FRMD6: variants seen among roughly 807,000 people sequenced by gnomAD.
The protein encoded by FRMD6 is FERM domain containing 6, also known as FERM domain-containing protein 6.
A neutral mutation model predicts 73.2 loss-of-function variants in FRMD6; 37 were observed. The observed-to-expected ratio is 0.51, with a 90% confidence interval of 0.39 to 0.66. The LOEUF is 0.66. FRMD6 is among the 30% of genes least tolerant of loss of function. The pLI, the probability that FRMD6 is intolerant of heterozygous loss-of-function variation, is 0.00. For synonymous variants in FRMD6, 273 were observed against 282.2 expected, an observed-to-expected ratio of 0.97 and a Z score of 0.33; for missense variants, 714 against 780.5, an observed-to-expected ratio of 0.91 and a Z score of 1.02.
the FRMD6 span, among the ~76,000 whole-genome samples, chr14:51,440,271 G>T: frequency 6.6e-6 from 1 of 152,116 alleles, no homozygotes; most frequent in African/African-American, 2.4e-5. Flanking sequence ...AAAATACAGA[G>T]AAATTTATAA....
At chr14:51,416,954 T>G in the FRMD6 span, among the ~76,000 whole-genome samples, 1 of 152,234 alleles carries the variant, frequency 6.6e-6, no homozygotes. Flanking sequence ...AAGTCTGTTT[T>G]ATCAGAGACT....
chr14:51,484,889 G>A (rs1215107859), upstream of FRMD6, among the ~76,000 whole-genome samples: 1 of 152,180 alleles, frequency 6.6e-6, no homozygotes, highest in Non-Finnish European at 1.5e-5. Context: ...TAGAAGTTTT[G>A]GTTGACATTA....
chr14:51,485,602 C>G (rs1882746166), upstream of FRMD6, among the ~76,000 whole-genome samples: 1 of 152,178 alleles, frequency 6.6e-6, no homozygotes, highest in Non-Finnish European at 1.5e-5. Context: ...CATCTCACTC[C>G]CTAACTCAAT....
chr14:51,398,365 A>G, the FRMD6 span, among the ~76,000 whole-genome samples: 1 of 152,134 alleles, frequency 6.6e-6, no homozygotes, highest in South Asian at 2.1e-4. Context: ...GGTAGAAGTC[A>G]TGGTCTTCAG....
At chr14:51,684,716 G>A (rs2140325006) in intron 1 of FRMD6, among the ~76,000 whole-genome samples, 1 of 152,162 alleles carries the variant, frequency 6.6e-6, no homozygotes, top group Non-Finnish European at 1.5e-5. Context: ...CAATGTGCAG[G>A]ACAGCCCCCC....
At chr14:51,530,326 C>T (rs529998872) in intron 1 of FRMD6, among the ~76,000 whole-genome samples, 3 of 152,150 alleles carry the variant, frequency 2.0e-5, no homozygotes, top group African/African-American at 7.2e-5. Context: ...GTATTTATAC[C>T]ACAGAAACTG....
chr14:51,517,309 C>T (rs550169050), intron 1 of FRMD6, among the ~76,000 whole-genome samples: 53 of 125,302 alleles, frequency 4.2e-4, no homozygotes, highest in African/African-American at 1.7e-3. Context: ...CTGGCAGACA[C>T]GCTAGGAGCA....
At chr14:51,540,821 A>G (rs1425093641) in intron 1 of FRMD6, among the ~76,000 whole-genome samples, 3 of 152,162 alleles carry the variant, frequency 2.0e-5, no homozygotes, top group Non-Finnish European at 4.4e-5. Context: ...AGTGAAAAAT[A>G]TAGCTTACTA....
chr14:51,528,054 A>C (rs1482252583), intron 1 of FRMD6, among the ~76,000 whole-genome samples: 4 of 152,198 alleles, frequency 2.6e-5, no homozygotes, highest in Admixed American at 6.6e-5. Flanking sequence ...AGTCCAGAGG[A>C]TCATTTGAGC....
rs146408737 is a variant in FRMD6 at position 51,580,041 on chromosome 14, G to A, written c.-147+9631G>A. ...GTTTGAATGGACTAGACTGGAGAAA[G>A]AGACAGGGAGGAAAGCCCTAACAGC... is the stretch of plus-strand genomic sequence containing the variant. On this transcript the variant is annotated intron_variant, in intron 2 of 14. Coordinates refer to the FRMD6 transcript ENST00000356218. 5.9e-5 allele frequency among the ~76,000 whole-genome samples: 9 copies of A among 152,292 alleles called. No individual in the cohort carries two copies. The East Asian group carries it at 1.7e-3, about 29-fold the overall frequency.
chr14:51,617,305 G>A (rs1890753794), intron 2 of FRMD6, among the ~76,000 whole-genome samples: 1 of 152,182 alleles, frequency 6.6e-6, no homozygotes, highest in Non-Finnish European at 1.5e-5. Flanking sequence ...ACAGCAGGGA[G>A]TGGGGGGAAA....
chr14:51,455,232 T>G, the FRMD6 span, among the ~76,000 whole-genome samples: 1 of 152,196 alleles, frequency 6.6e-6, no homozygotes, highest in Non-Finnish European at 1.5e-5. Context: ...GCTAACCTGA[T>G]TATGAAACTA....
chr14:51,559,925 AG>A (rs1301450310), intron 1 of FRMD6, among the ~76,000 whole-genome samples: 2 of 152,214 alleles, frequency 1.3e-5, no homozygotes, highest in Non-Finnish European at 2.9e-5. Context: ...TGACTTATAA[AG>A]CCATTTCCAG....
In FRMD6 at chr14:51,701,174, A is replaced by G. The variant is rs887690522; in HGVS notation, c.294+15A>G. ...AAGTCACTTGGGTGAGATTACATTT[A>G]TAAGCAAAATTATTTTGATTTTTTT... On this transcript the variant is annotated intron_variant, in intron 4 of 13. Coordinates refer to ENST00000344768, the MANE Select transcript of FRMD6 (RefSeq NM_001267046.2). The G allele has an allele frequency of 7.0e-7, 1 of 1,429,940 alleles. No homozygotes were observed. Among genetic ancestry groups the G allele is most frequent in the Non-Finnish European group, 9.5e-7 (1 of 1,047,844 alleles). 88.6% of individuals were successfully genotyped at this position (1,429,940 alleles called of 1,614,324 possible).
chr14:51,416,677 C>G, the FRMD6 span, among the ~76,000 whole-genome samples: 1 of 152,114 alleles, frequency 6.6e-6, no homozygotes, highest in East Asian at 1.9e-4. Context: ...GTCTGCTTGT[C>G]GCAGAGCTGA....
Position 51,629,470 on chromosome 14 carries a change from A to T in FRMD6, c.-147+59060A>T, listed in dbSNP as rs555842776. Among the ~76,000 whole-genome samples the T allele has an allele frequency of 2.0e-5, 3 of 152,346 alleles. No individual in the cohort carries two copies. The South Asian group carries it at 6.2e-4, about 32-fold the overall frequency. On this transcript the variant is annotated intron_variant, in intron 2 of 14. Coordinates refer to the FRMD6 transcript ENST00000356218. ...TCTTCTAAAATAAAATATATTTTAC[A>T]TTCCTACCAGCAGTGTATGGGGGTT...
intron 1 of FRMD6, among the ~76,000 whole-genome samples, chr14:51,660,031 G>T (rs1288312618): frequency 4.6e-5 from 7 of 152,178 alleles, no homozygotes; most frequent in Non-Finnish European, 7.3e-5. Flanking sequence ...GAATCGTGCT[G>T]TATCATTCTG....
intron 1 of FRMD6, among the ~76,000 whole-genome samples, chr14:51,655,338 C>A (rs552351259): frequency 1.3e-5 from 2 of 152,054 alleles, no homozygotes; most frequent in Admixed American, 6.5e-5. Context: ...GTGTTTATGT[C>A]GTGATTGTGT....
intron 1 of FRMD6, among the ~76,000 whole-genome samples, chr14:51,547,500 G>A (rs1320905192): frequency 2.0e-5 from 3 of 152,170 alleles, no homozygotes; most frequent in Non-Finnish European, 4.4e-5. Context: ...TTCTGTAATA[G>A]TCTTGGAATA....
Sources: gnomAD v4.1 joint callset for allele counts (sites outside exome capture counted in the v4.1 genomes callset) on GRCh38, gnomAD v4.1.1 for gene constraint, MANE v1.5 for transcripts, NCBI Gene and HGNC (gene_info 2026-07-23, HGNC 2026-07-21) for gene names.